POLD1: variants seen among roughly 807,000 people sequenced by gnomAD.
POLD1 encodes the protein DNA polymerase delta catalytic subunit.
In POLD1, 79 loss-of-function variants were observed where a neutral mutation model predicts 129.7. The ratio of observed to expected loss-of-function variants is 0.61; its 90% CI spans 0.51 to 0.73. The LOEUF (loss-of-function observed/expected upper bound fraction) is 0.73. Ranked by LOEUF, POLD1 falls within the 30% of genes least tolerant of loss-of-function variation. POLD1 has a pLI of 0.00. For synonymous variants in POLD1, 714 were observed against 683.3 expected (o/e 1.04, Z -0.70); for missense variants, 1,338 against 1,595.8 (o/e 0.84, Z 2.75).
intron 17 of POLD1, among the ~76,000 whole-genome samples, chr19:50,410,036 C>T (rs1036863830): frequency 6.6e-6 from 1 of 152,092 alleles, no homozygotes; most frequent in Non-Finnish European, 1.5e-5. Context: ...TGCGGACTGT[C>T]GGGGAGTGAT....
At chr19:50,417,770 GC>G in intron 26 of POLD1, 71 bp from the exon 27 acceptor site, 2 of 780,368 alleles carry the variant, frequency 2.6e-6, no homozygotes, top group South Asian at 2.8e-5. Context: ...CCTGGGAACA[GC>G]CCCCACCCCT....
intron 17 of POLD1, among the ~76,000 whole-genome samples, chr19:50,412,678 A>C (rs980951509): frequency 6.6e-6 from 1 of 151,866 alleles, no homozygotes; most frequent in Non-Finnish European, 1.5e-5. Flanking sequence ...AATCACACCC[A>C]TCTCTCCTTG....
intron 1 of POLD1, among the ~76,000 whole-genome samples, chr19:50,387,060 T>C (rs1474624936): frequency 6.6e-6 from 1 of 150,818 alleles, no homozygotes; most frequent in Non-Finnish European, 1.5e-5. Context: ...GGCGTGGTGG[T>C]GGGCGCCTGT....
At chr19:50,391,191 G>C (rs1347121685) in intron 1 of POLD1, among the ~76,000 whole-genome samples, 1 of 151,770 alleles carries the variant, frequency 6.6e-6, no homozygotes, top group Non-Finnish European at 1.5e-5. Flanking sequence ...CAGCCGGGCA[G>C]AGACGCTCCT....
rs2122392778 is a variant in POLD1, at chr19:50,409,734, C to T, written c.2154+68C>T. 6.7e-7 allele frequency: 1 copy of T among 1,492,024 alleles called. No homozygotes were observed. Among genetic ancestry groups the T allele is most frequent in the Non-Finnish European group, 9.0e-7 (1 of 1,106,992 alleles). The allele number at this position is 1,492,024 out of a possible 1,614,324, so 92.4% of individuals were successfully genotyped here. A position where few individuals can be genotyped will look rare whatever the true frequency, so the allele number is the denominator to read the frequency against. On this transcript the variant is annotated intron_variant, in intron 17 of 26. Transcript: ENST00000440232. This position sits in a 1 kb window ranked among gnomAD's most constrained non-coding sequence, Gnocchi z 5.8. ...CCCCCTGTGTAGGAGACCAGGGCTCCATGTGGGGGACCTGTATCCAGAGGA... is the reference window on the plus strand; with the variant it reads ...CCCCCTGTGTAGGAGACCAGGGCTCTATGTGGGGGACCTGTATCCAGAGGA...
At position 50,403,639 on chromosome 19, in the gene POLD1, G is replaced by C. The variant is rs750420364; in HGVS notation, c.1242+42G>C. 11 of 1,310,042 alleles carry C rather than the reference G, an allele frequency of 8.4e-6. 1 individual carries two copies. The South Asian group carries it at 1.2e-4, about 14-fold the overall frequency. The allele number at this position is 1,310,042 out of a possible 1,614,324, so 81.2% of individuals were successfully genotyped here. On this transcript the variant is annotated intron_variant, in intron 10 of 26. Transcript: ENST00000440232. ...TGGGAGGCTTCTCTCAGATGCCCCAGGTGTGGCCTCCGGGCCCTGGGCCTC... is the reference window on the plus strand; with the variant it reads ...TGGGAGGCTTCTCTCAGATGCCCCACGTGTGGCCTCCGGGCCCTGGGCCTC...
chr19:50,403,065 A>G lies in POLD1; in HGVS notation c.983A>G (p.Glu328Gly), dbSNP rs2122267877. 6.4e-7 allele frequency: 1 copy of G among 1,560,028 alleles called. No homozygotes were observed. The highest frequency in any genetic ancestry group is 8.7e-7 in the Non-Finnish European group (1 of 1,151,590). The change falls in exon 9 of 27, where the codon GAG (glutamate) becomes GGG (glycine). Residue 328 changes from glutamate to glycine, a missense_variant. Around this residue, in one of 3 missense-constraint regions of POLD1, gnomAD observed 720 missense variants for 1,002.6 expected, o/e 0.72. Transcript: ENST00000440232. The part of the protein sequence containing the change: ...ECAGRKGIFP[E>G]PERDPVIQIC... ...TCCTGCCTCGCAGGCATCTTCCCTG[A>G]GCCTGAGCGGGACCCTGTCATCCAG...
rs2122388080 is a variant in POLD1 at position 50,409,606 on chromosome 19, C to T, written c.2094C>T (p.Asn698=). Residue 698 remains asparagine (N), a synonymous_variant, in exon 17 of 27, where the codon AAC becomes AAT. Transcript: ENST00000440232. The surrounding 1 kb of genome is among the most constrained non-coding windows in gnomAD (Gnocchi z 5.8). Reference sequence around the variant, plus strand: ...AGCTGGCGCTGAAGGTGAGCGCCAACTCCGTATACGGCTTCACTGGCGCCC... The same window carrying T: ...AGCTGGCGCTGAAGGTGAGCGCCAATTCCGTATACGGCTTCACTGGCGCCC... ...GRQLALKVSA[N]SVYGFTGAQV... The T allele has an allele frequency of 6.2e-7, 1 of 1,613,312 alleles. No homozygotes were observed. Among genetic ancestry groups the T allele is most frequent in the Non-Finnish European group, 8.5e-7 (1 of 1,179,974 alleles).
In POLD1 at chr19:50,409,391, C is replaced by T; in HGVS notation, c.2007-128C>T. The T allele has an allele frequency of 1.4e-6, 2 of 1,387,776 alleles. No homozygotes were observed. The highest frequency in any genetic ancestry group is 2.0e-6 in the Non-Finnish European group (2 of 998,142). 86.0% of individuals were successfully genotyped at this position (1,387,776 alleles called of 1,614,324 possible). A position where few individuals can be genotyped will look rare whatever the true frequency, so the allele number is the denominator to read the frequency against. ...ATCCCCTCCTGGCAGCTTCCTTTTG[C>T]CCCCTTGGCCAGAAGCTTCTGTGCA... is the stretch of plus-strand genomic sequence containing the variant. On this transcript the variant is annotated intron_variant, in intron 16 of 26. Transcript: ENST00000440232. This position sits in a 1 kb window ranked among gnomAD's most constrained non-coding sequence, Gnocchi z 5.8.
At position 50,416,635 on chromosome 19, in the gene POLD1, G is replaced by A. The variant is rs3218774; in HGVS notation, c.2979G>A (p.Thr993=). 318 of 1,565,786 alleles carry A rather than the reference G, an allele frequency of 2.0e-4. No homozygotes were observed. The African/African-American group carries it at 3.7e-3, about 18-fold the overall frequency. ...GGGGGGACCACACGCGCTGCAAGAC[G>A]GTGCTCACGGGCAAGGTGGGCGGCC... ...LLRGDHTRCK[T]VLTGKVGGLL... is the part of the protein sequence containing the mutation. Residue 993 remains threonine, a synonymous_variant, in exon 24 of 27, where the codon ACG becomes ACA. Transcript: ENST00000440232.
Position 50,406,626 on chromosome 19 carries a change from C to T in POLD1, c.1494+109C>T. The stretch of plus-strand genomic sequence containing the variant: ...CCCACGTCTGACCTCACTCTTTGAC[C>T]TGCTGTTATGACCTGTGACCTTACC... On this transcript the variant is annotated intron_variant, in intron 12 of 26. Transcript: ENST00000440232. The surrounding 1 kb of genome is among the most constrained non-coding windows in gnomAD (Gnocchi z 5.5). 1.2e-6 allele frequency: 1 copy of T among 813,854 alleles called. No individual in the cohort carries two copies. The highest frequency in any genetic ancestry group is 2.0e-6 in the Non-Finnish European group (1 of 492,102). The allele number at this position is 813,854 out of a possible 1,614,324, so 50.4% of individuals were successfully genotyped here.
chr19:50,404,294 G>A (rs1336318553), intron 10 of POLD1, among the ~76,000 whole-genome samples: 2 of 147,224 alleles, frequency 1.4e-5, no homozygotes, highest in Non-Finnish European at 3.0e-5. Context: ...ACAAAGTCTC[G>A]CTCTGTCGCC....
rs1245132011 is a variant in POLD1 at position 50,409,306 on chromosome 19, G to A, written c.2006+71G>A. 1 of 1,295,026 alleles carries A rather than the reference G, an allele frequency of 7.7e-7. No individual in the cohort carries two copies. Among genetic ancestry groups the A allele is most frequent in the Admixed American group, 1.8e-5 (1 of 56,352 alleles). The allele number at this position is 1,295,026 out of a possible 1,614,324, so 80.2% of individuals were successfully genotyped here. ...CTCTGGGCAATCCCTGTCCCTCACT[G>A]GGACACCCCAGGGCTGCCCAGCCAC... On this transcript the variant is annotated intron_variant, in intron 16 of 26. Coordinates refer to ENST00000440232, the MANE Select transcript of POLD1 (RefSeq NM_002691.4). This position sits in a 1 kb window ranked among gnomAD's most constrained non-coding sequence, Gnocchi z 5.8.
chr19:50,392,955 A>G (rs1428696589), intron 1 of POLD1, among the ~76,000 whole-genome samples: 1 of 152,250 alleles, frequency 6.6e-6, no homozygotes, highest in Non-Finnish European at 1.5e-5. Context: ...ACACAGTTGC[A>G]TAGTATTCCA....
rs373192520 is a variant in POLD1, at chr19:50,402,247, G to C, written c.632G>C (p.Arg211Pro). Reference protein sequence around the residue: ...YHGHGPSPFLRITVALPRLVA... With the variant: ...YHGHGPSPFLPITVALPRLVA... ...GGGCACGGCCCCTCCCCGTTCCTGC[G>C]CATCACCGTGGCGCTGCCGCGCCTC... Residue 211 changes from arginine to proline, a missense_variant, in exon 6 of 27, where the codon CGC (arginine) becomes CCC (proline). Physicochemically the swap from Arg to Pro is moderately radical, Grantham distance 103 (BLOSUM62 -2). Transcript: ENST00000440232. 26 of 1,597,058 alleles carry C rather than the reference G, an allele frequency of 1.6e-5. No homozygotes were observed. The highest frequency in any genetic ancestry group is 1.7e-6 in the Non-Finnish European group (2 of 1,170,870).
chr19:50,392,623 A>AC (rs1486198179), intron 1 of POLD1, among the ~76,000 whole-genome samples: 5 of 151,630 alleles, frequency 3.3e-5, no homozygotes, highest in African/African-American at 1.2e-4. Flanking sequence ...TATTACAGGC[A>AC]CCCACCACCA....
Position 50,399,376 on chromosome 19 carries a change from G to A in POLD1, c.208G>A (p.Val70Ile), listed in dbSNP as rs147911699. Residue 70 changes from valine to isoleucine, a missense_variant, in exon 3 of 27, where the codon GTC becomes ATC. By Grantham distance (29) the Val-to-Ile change is conservative. Around this residue, in one of 3 missense-constraint regions of POLD1, gnomAD observed 332 missense variants for 315.7 expected, o/e 1.05. Coordinates refer to ENST00000440232, the MANE Select transcript of POLD1 (RefSeq NM_002691.4). ...TCCTTCCCTTCCCCCACCAGGGCAG[G>A]TCCCACCATCAGCCATAGATCCTCG... ...SVLEGVADGQ[V>I]PPSAIDPRWL... 5.4e-5 allele frequency: 87 copies of A among 1,612,894 alleles called. No individual in the cohort carries two copies. The African/African-American group carries it at 9.2e-4, about 17-fold the overall frequency.
chr19:50,415,489 G>C lies in POLD1; in HGVS notation c.2616G>C (p.Leu872=), dbSNP rs766256332. 6.2e-7 allele frequency: 1 copy of C among 1,613,226 alleles called. No individual in the cohort carries two copies. The highest frequency in any genetic ancestry group is 1.3e-5 in the African/African-American group (1 of 74,930). ...AHAQDVISDL[L]CNRIDISQLV... ...CACAGGACGTCATCTCGGACCTGCT[G>C]TGCAACCGCATCGATATCTCCCAGC... is the stretch of plus-strand genomic sequence containing the variant. The change falls in exon 21 of 27, where the codon CTG becomes CTC. Residue 872 remains leucine, a synonymous_variant. Coordinates refer to ENST00000440232, the MANE Select transcript of POLD1 (RefSeq NM_002691.4).
Position 50,402,731 on chromosome 19 carries a change from C to A in POLD1, c.960C>A (p.Ala320=). ...LRVLSFDIEC[A]GRKGIFPEPE... ...TGCTCAGCTTCGATATCGAGTGCGC[C>A]GGCCGCAAAGGTCTGTCCCCGGGCC... Residue 320 remains alanine (A), a synonymous_variant, in exon 8 of 27, where the codon GCC becomes GCA. Transcript: ENST00000440232. 6.3e-7 allele frequency: 1 copy of A among 1,592,514 alleles called. No homozygotes were observed. Among genetic ancestry groups the A allele is most frequent in the Non-Finnish European group, 8.6e-7 (1 of 1,165,464 alleles).
Sources: allele counts gnomAD v4.1 joint callset (sites outside exome capture counted in the v4.1 genomes callset), GRCh38; gene constraint gnomAD v4.1.1; regional missense constraint gnomAD v4.1.1; non-coding constraint Gnocchi (gnomAD v3.1); transcripts MANE v1.5; gene names NCBI Gene and HGNC (gene_info 2026-07-23, HGNC 2026-07-21).